Variants in SDK1 observed in about 807,000 individuals in gnomAD.
SDK1 encodes the protein protein sidekick-1.
Under a neutral mutation model 245.5 loss-of-function variants are expected in SDK1, and 157 were observed. That is an observed-to-expected ratio of 0.64 (90% CI 0.56 to 0.73). SDK1 has a LOEUF of 0.73. Among genes scored for constraint, SDK1 ranks in the 30% least tolerant of loss-of-function variants. The pLI is 0.00. For missense variants in SDK1, 3,583 were observed against 3,002.3 expected (o/e 1.19, Z -4.52); for synonymous variants, 1,647 against 1,278.5 (o/e 1.29, Z -6.15).
At chr7:4,109,092 C>T (rs1053076848) in intron 22 of SDK1, among the ~76,000 whole-genome samples, 1 of 152,202 alleles carries the variant, frequency 6.6e-6, no homozygotes, top group Non-Finnish European at 1.5e-5. Flanking sequence ...GCCTTGTTCA[C>T]GGCTTTGACT....
At chr7:3,487,798 G>A (rs1480613091) in intron 1 of SDK1, among the ~76,000 whole-genome samples, 2 of 147,098 alleles carry the variant, frequency 1.4e-5, no homozygotes, top group Non-Finnish European at 3.0e-5. Flanking sequence ...ACAGTGTCTT[G>A]TGGCTCTCCA....
chr7:4,107,360 C>G (rs528828116), intron 22 of SDK1, among the ~76,000 whole-genome samples: 1 of 152,144 alleles, frequency 6.6e-6, no homozygotes, highest in East Asian at 1.9e-4. Flanking sequence ...CACTTGGCAC[C>G]GTGAGCTACG....
intron 22 of SDK1, among the ~76,000 whole-genome samples, chr7:4,094,138 C>T (rs1283402095): frequency 6.6e-6 from 1 of 152,070 alleles, no homozygotes; most frequent in Non-Finnish European, 1.5e-5. Context: ...CTCACTGCAA[C>T]CTCCGCCTTG....
At chr7:3,591,887 C>G (rs1780886566) in intron 1 of SDK1, among the ~76,000 whole-genome samples, 1 of 152,272 alleles carries the variant, frequency 6.6e-6, no homozygotes, top group Non-Finnish European at 1.5e-5. Context: ...TACAGGGAAC[C>G]TGGGGTGGTG....
intron 4 of SDK1, among the ~76,000 whole-genome samples, chr7:3,801,530 G>A (rs781671765): frequency 2.7e-4 from 41 of 152,066 alleles, no homozygotes; most frequent in Non-Finnish European, 2.8e-4. Context: ...TCTCTCTATC[G>A]TCCTCTCTCC....
intron 4 of SDK1, among the ~76,000 whole-genome samples, chr7:3,680,970 G>A (rs1199693158): frequency 2.6e-5 from 4 of 152,172 alleles, no homozygotes; most frequent in Admixed American, 2.6e-4. Context: ...AGCCTCCGGA[G>A]TAGCTGGGAC....
chr7:3,320,599 A>G (rs919405006), intron 1 of SDK1, among the ~76,000 whole-genome samples: 1 of 152,204 alleles, frequency 6.6e-6, no homozygotes, highest in Non-Finnish European at 1.5e-5. Flanking sequence ...CTGTGATGTT[A>G]GCTTATGGTC....
intron 35 of SDK1, among the ~76,000 whole-genome samples, chr7:4,200,550 C>T (rs1783827626): frequency 6.6e-6 from 1 of 152,206 alleles, no homozygotes; most frequent in Non-Finnish European, 1.5e-5. Flanking sequence ...GATGCATTTC[C>T]AAGCTCACCC....
At position 4,145,012 on chromosome 7, in the gene SDK1, G is replaced by A. The variant is rs56928328; in HGVS notation, c.4229-710G>A. The stretch of plus-strand genomic sequence containing the variant: ...GATGCCAGCGGGGGAGGCCTGGGGC[G>A]GCCAGTGGAGAGGAGTGATCGTTAA... On this transcript the variant is annotated intron_variant, in intron 28 of 44. Transcript: ENST00000404826. 7.8e-3 allele frequency among the ~76,000 whole-genome samples: 1,181 copies of A among 152,284 alleles called. 20 individuals are homozygous for A. Among genetic ancestry groups the A allele is most frequent in the African/African-American group, 0.027 (1,104 of 41,542 alleles).
At chr7:3,816,702 G>A (rs568029269) in intron 4 of SDK1, among the ~76,000 whole-genome samples, 7 of 152,142 alleles carry the variant, frequency 4.6e-5, no homozygotes, top group East Asian at 1.9e-4. Flanking sequence ...AGTTCTTGTC[G>A]TTGTACAGCT....
intron 34 of SDK1, among the ~76,000 whole-genome samples, chr7:4,177,134 C>T (rs1356219240): frequency 6.6e-6 from 1 of 152,226 alleles, no homozygotes; most frequent in Non-Finnish European, 1.5e-5. Flanking sequence ...GAGATACTGA[C>T]TCCATAGCAT....
chr7:3,879,405 G>C (rs1363427876), intron 5 of SDK1, among the ~76,000 whole-genome samples: 1 of 152,198 alleles, frequency 6.6e-6, no homozygotes, highest in Non-Finnish European at 1.5e-5. Flanking sequence ...CAGAGAGTGA[G>C]AAGTATTTGC....
chr7:3,373,194 C>G (rs945755295), intron 1 of SDK1, among the ~76,000 whole-genome samples: 1 of 152,170 alleles, frequency 6.6e-6, no homozygotes, highest in Non-Finnish European at 1.5e-5. Context: ...CCTACCCTAC[C>G]TTAAACGTGC....
At chr7:3,341,014 A>G (rs1384378763) in intron 1 of SDK1, among the ~76,000 whole-genome samples, 1 of 152,184 alleles carries the variant, frequency 6.6e-6, no homozygotes, top group Non-Finnish European at 1.5e-5. Context: ...GAAGACCTAC[A>G]AAGTCATTTT....
chr7:3,474,320 T>C (rs1781281368), intron 1 of SDK1, among the ~76,000 whole-genome samples: 1 of 151,774 alleles, frequency 6.6e-6, no homozygotes, highest in African/African-American at 2.4e-5. Flanking sequence ...GGTCTCGGTC[T>C]CTTGACCTCG....
At chr7:3,800,370 C>CTTATTTAT (rs923376278) in intron 4 of SDK1, among the ~76,000 whole-genome samples, 1,548 of 148,988 alleles carry the variant, frequency 0.01, 18 homozygotes, top group African/African-American at 0.021. Flanking sequence ...TACTTACTTA[C>CTTATTTAT]TTATTTATTT....
At chr7:3,446,338 T>G (rs1583869411) in intron 1 of SDK1, among the ~76,000 whole-genome samples, 1 of 152,160 alleles carries the variant, frequency 6.6e-6, no homozygotes, top group Non-Finnish European at 1.5e-5. Context: ...TTAGAAATGT[T>G]TGAGTTAAGG....
At chr7:3,961,963 A>C (rs1781720604) in intron 8 of SDK1, among the ~76,000 whole-genome samples, 3 of 151,852 alleles carry the variant, frequency 2.0e-5, no homozygotes, top group African/African-American at 7.3e-5. Flanking sequence ...ACGCATACAC[A>C]CATAAACACA....
intron 5 of SDK1, among the ~76,000 whole-genome samples, chr7:3,862,925 T>G (rs527332039): frequency 6.6e-6 from 1 of 152,188 alleles, no homozygotes; most frequent in South Asian, 2.1e-4. Flanking sequence ...CAATAGGGTT[T>G]GTGCTCCTAT....
Sources: gnomAD v4.1 joint callset for allele counts (sites outside exome capture counted in the v4.1 genomes callset) on GRCh38, gnomAD v4.1.1 for gene constraint, MANE v1.5 for transcripts, NCBI Gene and HGNC (gene_info 2026-07-23, HGNC 2026-07-21) for gene names.